Variants in AKAP13 observed in about 807,000 individuals in gnomAD.
AKAP13 encodes the protein A-kinase anchor protein 13.
In AKAP13, 80 loss-of-function variants were observed where a neutral mutation model predicts 264.5. The observed-to-expected ratio is 0.30, with a 90% CI of 0.25 to 0.36. AKAP13 has a LOEUF of 0.36. Ranked by LOEUF, AKAP13 falls within the 10% of genes least tolerant of loss-of-function variation. The probability of loss-of-function intolerance (pLI) is 1.00; values close to 1 mark genes in which losing one functional copy is unlikely to be tolerated. For synonymous variants in AKAP13, 1,380 were observed against 1,250.2 expected, an observed-to-expected ratio of 1.10 and a Z score of -2.19; for missense variants, 3,712 against 3,435.2, an observed-to-expected ratio of 1.08 and a Z score of -2.01.
chr15:85,517,355 T>C (rs1364271654), intron 2 of AKAP13, among the ~76,000 whole-genome samples: 3 of 151,894 alleles, frequency 2.0e-5, no homozygotes, highest in African/African-American at 4.8e-5. Context: ...TCACACTTTT[T>C]TTTTTCCCCC....
At chr15:85,635,316 G>T (rs2082023888) in intron 8 of AKAP13, among the ~76,000 whole-genome samples, 1 of 152,128 alleles carries the variant, frequency 6.6e-6, no homozygotes, top group Non-Finnish European at 1.5e-5. Flanking sequence ...GTGGATTAAT[G>T]ATGTTGGGTA....
rs1057092297 is a variant in AKAP13, at chr15:85,380,749, G to C, written c.-61G>C. On this transcript the variant is annotated 5_prime_UTR_variant, in exon 1 of 37. Coordinates refer to ENST00000394518, the MANE Select transcript of AKAP13 (RefSeq NM_007200.5). Reference sequence around the variant, plus strand: ...CCTATTGTCTTTCTCCGCGGCGAAGGTGAAGAGTTGTCCCAGCTCGGCCCG... The same window carrying C: ...CCTATTGTCTTTCTCCGCGGCGAAGCTGAAGAGTTGTCCCAGCTCGGCCCG... 8 of 152,656 alleles carry C rather than the reference G, an allele frequency of 5.2e-5. No individual in the cohort carries two copies. The highest frequency in any genetic ancestry group is 1.2e-4 in the Non-Finnish European group (8 of 68,082). The allele number at this position is 152,656 out of a possible 1,614,324, so 9.5% of individuals were successfully genotyped here.
intron 16 of AKAP13, 174 bp from the exon 17 acceptor site, chr15:85,693,103 G>A: frequency 8.6e-7 from 1 of 1,158,898 alleles, no homozygotes. Flanking sequence ...TAGCTTGCGT[G>A]CCAACGCCTT....
rs1179230095 is a variant in AKAP13 at position 85,718,199 on chromosome 15, A to G, written c.6001+40A>G. On this transcript the variant is annotated intron_variant, in intron 22 of 36. Transcript: ENST00000394518. This position sits in a 1 kb window ranked among gnomAD's most constrained non-coding sequence, Gnocchi z 4.9. ...TTTGCTCTGATTATATTTGATTTCC[A>G]TTGTCCAGCATTTTTAAGCAGTAAT... 1.3e-6 allele frequency: 2 copies of G among 1,594,402 alleles called. No homozygotes were observed. The highest frequency in any genetic ancestry group is 2.2e-5 in the East Asian group (1 of 44,504).
rs909369807 is a variant in AKAP13, at chr15:85,620,292, G to A, written c.4162-19082G>A. 8.8e-6 allele frequency: 8 copies of A among 912,030 alleles called. No individual in the cohort carries two copies. The South Asian group carries it at 9.2e-5, about 10-fold the overall frequency. 56.5% of individuals were successfully genotyped at this position (912,030 alleles called of 1,614,324 possible). On this transcript the variant is annotated intron_variant, in intron 8 of 36. Transcript: ENST00000394518. ...AGAAAGGCCGAGAAATCTGTGCACA[G>A]TGGAGGATGAGGGGTGAATGTAAGC...
chr15:85,669,246 T>A (rs1048292763), intron 13 of AKAP13, among the ~76,000 whole-genome samples: 3 of 151,918 alleles, frequency 2.0e-5, no homozygotes, highest in Admixed American at 6.6e-5. Flanking sequence ...TAAAAAAAAA[T>A]AATAATAAAT....
intron 3 of AKAP13, 69 bp downstream of exon 3, chr15:85,521,644 G>C (rs1596410504): frequency 5.9e-6 from 9 of 1,515,592 alleles, no homozygotes; most frequent in Non-Finnish European, 1.8e-6. Flanking sequence ...ATGTTTATGA[G>C]TATAGAGTGA....
rs60030351 is a variant in AKAP13 at position 85,688,031 on chromosome 15, TAAA to T, written c.5289+3174_5289+3176del. Among the ~76,000 whole-genome samples, 717 of 138,274 alleles carry T rather than the reference TAAA, an allele frequency of 5.2e-3. 1 individual carries two copies. The highest frequency in any genetic ancestry group is 7.5e-3 in the African/African-American group (273 of 36,516). 90.7% of individuals were successfully genotyped at this position (138,274 alleles called of 152,430 possible). ...GGCAATGGAGCAAGACCCTGTCTCT[TAAA>T]AAAAAAAAAAAAAAAGAGAGAGAGA... On this transcript the variant is annotated intron_variant, in intron 16 of 36. Transcript: ENST00000394518.
chr15:85,395,004 G>A (rs1338680701), intron 1 of AKAP13, among the ~76,000 whole-genome samples: 8 of 152,154 alleles, frequency 5.3e-5, no homozygotes, highest in Non-Finnish European at 1.2e-4. Context: ...ATACAGTACA[G>A]TAAATAGAAT....
intron 33 of AKAP13, among the ~76,000 whole-genome samples, chr15:85,738,605 G>A (rs527578064): frequency 2.0e-5 from 3 of 151,964 alleles, no homozygotes; most frequent in South Asian, 2.1e-4. Context: ...TTGGGAGGCC[G>A]AGGCGGGTGG....
chr15:85,457,807 G>A (rs79663443), intron 1 of AKAP13, among the ~76,000 whole-genome samples: 1,946 of 152,218 alleles, frequency 0.013, 44 homozygotes, highest in African/African-American at 0.045. Flanking sequence ...TGTTTGCTCC[G>A]TAGAAGTAGG....
intron 1 of AKAP13, among the ~76,000 whole-genome samples, chr15:85,439,774 A>G (rs2073538284): frequency 7.3e-6 from 1 of 137,570 alleles, no homozygotes. Flanking sequence ...GAACAGTGAG[A>G]TCACATGGAC....
chr15:85,415,144 C>A (rs1056711173), intron 1 of AKAP13: 48 of 788,924 alleles, frequency 6.1e-5, no homozygotes, highest in Middle Eastern at 3.6e-4. Context: ...GAGGGAAATA[C>A]CTTTAAAAAA....
chr15:85,455,734 C>A (rs1029384840), intron 1 of AKAP13, among the ~76,000 whole-genome samples: 1 of 152,016 alleles, frequency 6.6e-6, no homozygotes, highest in Non-Finnish European at 1.5e-5. Flanking sequence ...CTTTCAAAGG[C>A]GCACAGTCCA....
At chr15:85,526,171 C>G (rs1331656309) in intron 3 of AKAP13, among the ~76,000 whole-genome samples, 1 of 151,926 alleles carries the variant, frequency 6.6e-6, no homozygotes, top group Admixed American at 6.6e-5. Flanking sequence ...ATCAGAAGTT[C>G]TTTTGGGTTT....
intron 2 of AKAP13, among the ~76,000 whole-genome samples, chr15:85,487,693 G>A (rs1303386422): frequency 6.6e-6 from 1 of 151,610 alleles, no homozygotes; most frequent in Non-Finnish European, 1.5e-5. Flanking sequence ...AACCTCCTGA[G>A]TAGCTAGGAC....
chr15:85,419,424 G>A (rs1324857332), intron 1 of AKAP13, among the ~76,000 whole-genome samples: 2 of 152,164 alleles, frequency 1.3e-5, no homozygotes, highest in African/African-American at 4.8e-5. Flanking sequence ...CAAGTAACGT[G>A]GCCGCTGATA....
chr15:85,537,731 C>G (rs8039929), intron 4 of AKAP13, among the ~76,000 whole-genome samples: 1 of 151,986 alleles, frequency 6.6e-6, no homozygotes, highest in African/African-American at 2.4e-5. Flanking sequence ...GCAAAATACT[C>G]AATCTCTCTG....
intron 3 of AKAP13, among the ~76,000 whole-genome samples, chr15:85,525,144 C>T (rs1223486464): frequency 9.4e-5 from 14 of 149,584 alleles, no homozygotes; most frequent in South Asian, 4.2e-4. Flanking sequence ...CTGCAAGCTC[C>T]GCCTCTTGGG....
Sources: gnomAD v4.1 joint callset for allele counts (sites outside exome capture counted in the v4.1 genomes callset) on GRCh38, gnomAD v4.1.1 for gene constraint, Gnocchi (gnomAD v3.1) non-coding constraint, MANE v1.5 for transcripts, NCBI Gene and HGNC (gene_info 2026-07-23, HGNC 2026-07-21) for gene names.